Variants in GSTO2 observed in about 807,000 individuals in gnomAD.
GSTO2 encodes the protein glutathione S-transferase omega-2.
A neutral mutation model predicts 28.4 loss-of-function variants in GSTO2; 23 were observed. That is an observed-to-expected ratio of 0.81 (90% CI 0.58 to 1.15). GSTO2 has a LOEUF of 1.15. Among genes scored for constraint, GSTO2 ranks in the 50% most tolerant of loss-of-function variants. The pLI is 0.00. For synonymous variants in GSTO2, 109 were observed against 111.0 expected, an observed-to-expected ratio of 0.98 and a Z score of 0.11; for missense variants, 298 against 297.8, an observed-to-expected ratio of 1.00 and a Z score of 0.00.
At chr10:104,296,813 C>G (rs1055973363) in intron 5 of GSTO2, 1 of 148,876 alleles carries the variant, frequency 6.7e-6, no homozygotes, top group African/African-American at 2.5e-5. Flanking sequence ...ACTTTTTGCT[C>G]TTCTTGGCCA....
In GSTO2 at chr10:104,299,223, A is replaced by C; in HGVS notation, c.671A>C (p.Gln224Pro). Reference protein sequence around the residue: ...CALLMDKSIFQGFLNLYFQNN... With the variant: ...CALLMDKSIFPGFLNLYFQNN... ...CTTCTCATGGATAAGAGCATTTTCCAGGGCTTCTTGAATCTCTATTTTCAG... is the reference window on the plus strand; with the variant it reads ...CTTCTCATGGATAAGAGCATTTTCCCGGGCTTCTTGAATCTCTATTTTCAG... The change falls in exon 7 of 7, where the codon CAG becomes CCG. Residue 224 changes from glutamine to proline, a missense_variant. Physicochemically the swap from Gln to Pro is moderately conservative, Grantham distance 76. Coordinates refer to ENST00000338595, the MANE Select transcript of GSTO2 (RefSeq NM_183239.2). 1 of 1,614,134 alleles carries C rather than the reference A, an allele frequency of 6.2e-7. No homozygotes were observed. Among genetic ancestry groups the C allele is most frequent in the Non-Finnish European group, 8.5e-7 (1 of 1,180,026 alleles).
At chr10:104,272,046 T>C (rs2011430548) in intron 1 of GSTO2, among the ~76,000 whole-genome samples, 2 of 152,252 alleles carry the variant, frequency 1.3e-5, no homozygotes, top group South Asian at 4.1e-4. Flanking sequence ...GAGTGAGCCC[T>C]AATATATTAA....
At chr10:104,278,188 T>C in intron 4 of GSTO2, 72 bp downstream of exon 4, 2 of 1,134,296 alleles carry the variant, frequency 1.8e-6, no homozygotes, top group South Asian at 2.7e-5. Flanking sequence ...CAACCCATTT[T>C]AAAGCCAAAT....
intron 5 of GSTO2, among the ~76,000 whole-genome samples, chr10:104,289,976 T>A (rs1452185934): frequency 6.6e-6 from 1 of 152,208 alleles, no homozygotes; most frequent in Non-Finnish European, 1.5e-5. Flanking sequence ...CCTCGTTCAC[T>A]GGGGCGGGAA....
intron 5 of GSTO2, among the ~76,000 whole-genome samples, chr10:104,284,945 C>T (rs542767364): frequency 7.2e-5 from 11 of 152,178 alleles, no homozygotes; most frequent in Admixed American, 2.0e-4. Context: ...TAAAAGAGAG[C>T]GGGGAGGGGA....
intron 1 of GSTO2, among the ~76,000 whole-genome samples, chr10:104,270,941 C>T (rs1283731372): frequency 6.6e-6 from 1 of 152,212 alleles, no homozygotes. Context: ...AAGATCCAAA[C>T]ATTTTCAAAG....
chr10:104,292,463 T>C (rs2012820493), intron 5 of GSTO2, among the ~76,000 whole-genome samples: 1 of 150,586 alleles, frequency 6.6e-6, no homozygotes, highest in Admixed American at 6.6e-5. Context: ...TGACCACCAA[T>C]ATCTTTTTTT....
Position 104,279,376 on chromosome 10 carries a change from C to G in GSTO2, c.373C>G (p.His125Asp), listed in dbSNP as rs2011870008. 6.2e-7 allele frequency: 1 copy of G among 1,613,254 alleles called. No individual in the cohort carries two copies. The highest frequency in any genetic ancestry group is 2.2e-5 in the East Asian group (1 of 44,874). Reference protein sequence around the residue: ...MLLELFCKVPHLTKECLVALR... With the variant: ...MLLELFCKVPDLTKECLVALR... ...ACCTGTGTCCTCTGATTAGGTCCCA[C>G]ATTTGACCAAGGAGTGCCTGGTAGC... The change falls in exon 5 of 7, where the codon CAT (histidine) becomes GAT (aspartate). Residue 125 changes from histidine to aspartate, a missense_variant. By Grantham distance (81) the His-to-Asp change is moderately conservative. Coordinates refer to ENST00000338595, the MANE Select transcript of GSTO2 (RefSeq NM_183239.2).
chr10:104,273,442 G>GAAAAA (rs2011503914), intron 1 of GSTO2, among the ~76,000 whole-genome samples: 1 of 152,168 alleles, frequency 6.6e-6, no homozygotes, highest in Admixed American at 6.5e-5. Flanking sequence ...AGCAAAAAAT[G>GAAAAA]TAGTTGAGTC....
chr10:104,274,639 G>A, intron 1 of GSTO2, 46 bp from the exon 2 acceptor site: 1 of 555,106 alleles, frequency 1.8e-6, no homozygotes. Flanking sequence ...CCAGAGCAAG[G>A]GGGAGCTTTT....
Position 104,272,587 on chromosome 10 carries a change from C to T in GSTO2, c.-231-2098C>T, listed in dbSNP as rs1169968617. Among the ~76,000 whole-genome samples, 107 of 49,304 alleles carry T rather than the reference C, an allele frequency of 2.2e-3. 2 individuals are homozygous for T. The highest frequency in any genetic ancestry group is 6.2e-3 in the East Asian group (7 of 1,122). 32.3% of individuals were successfully genotyped at this position (49,304 alleles called of 152,430 possible). On this transcript the variant is annotated intron_variant, in intron 1 of 6. Coordinates refer to ENST00000338595, the MANE Select transcript of GSTO2 (RefSeq NM_183239.2). ...GAATCAAAATAGAACAGTTATGGGA[C>T]TTTTTTTTTTTTTTTTTTTTTTTTT...
chr10:104,282,662 C>T (rs958827775), intron 5 of GSTO2, among the ~76,000 whole-genome samples: 8 of 151,760 alleles, frequency 5.3e-5, no homozygotes, highest in South Asian at 4.1e-4. Flanking sequence ...ACCCCACTAA[C>T]GAGGGTTGGA....
rs906372798 is a variant in GSTO2, at chr10:104,303,245, C to G, written c.*3961C>G. The G allele has an allele frequency of 2.0e-5, 3 of 152,136 alleles. No homozygotes were observed. Among genetic ancestry groups the G allele is most frequent in the African/African-American group, 7.2e-5 (3 of 41,410 alleles). The allele number at this position is 152,136 out of a possible 1,614,324, so 9.4% of individuals were successfully genotyped here. On this transcript the variant is annotated 3_prime_UTR_variant, in exon 7 of 7. Coordinates refer to ENST00000338595, the MANE Select transcript of GSTO2 (RefSeq NM_183239.2). ...TTCTTTAGGGAAAGTTTAGAATTTTCTAGAGACTGGTTGTATGGTTGTGAC... is the reference window on the plus strand; with the variant it reads ...TTCTTTAGGGAAAGTTTAGAATTTTGTAGAGACTGGTTGTATGGTTGTGAC...
At chr10:104,277,516 C>T (rs1178189197) in intron 3 of GSTO2, among the ~76,000 whole-genome samples, 1 of 152,086 alleles carries the variant, frequency 6.6e-6, no homozygotes, top group Non-Finnish European at 1.5e-5. Context: ...GAATTCCTGA[C>T]CTCAGATGAT....
Position 104,278,069 on chromosome 10 carries a change from C to T in GSTO2, c.319C>T (p.Pro107Ser). ...AGGAAGGAAGCTGTTTCCATATGAC[C>T]CTTATGAACGAGCTCGCCAAAAGAT... is the stretch of plus-strand genomic sequence containing the variant. ...YPGRKLFPYDPYERARQKMLL... is the reference protein window; with the variant it reads ...YPGRKLFPYDSYERARQKMLL... The change falls in exon 4 of 7, where the codon CCT becomes TCT. Residue 107 changes from proline to serine, a missense_variant. By Grantham distance (74) the Pro-to-Ser change is moderately conservative (BLOSUM62 -1). Coordinates refer to ENST00000338595, the MANE Select transcript of GSTO2 (RefSeq NM_183239.2). The T allele has an allele frequency of 6.2e-7, 1 of 1,614,080 alleles. No individual in the cohort carries two copies. The highest frequency in any genetic ancestry group is 8.5e-7 in the Non-Finnish European group (1 of 1,179,998).
At chr10:104,296,137 T>G (rs2013006918) in intron 5 of GSTO2, 1 of 152,226 alleles carries the variant, frequency 6.6e-6, no homozygotes. Flanking sequence ...GGTACTTTTT[T>G]GGGGCTGTCT....
chr10:104,270,451 T>A (rs1286036431), intron 1 of GSTO2, among the ~76,000 whole-genome samples: 1 of 152,242 alleles, frequency 6.6e-6, no homozygotes, highest in East Asian at 1.9e-4. Flanking sequence ...CTTGACAATT[T>A]GCCTTTACTT....
Position 104,274,922 on chromosome 10 carries a change from G to A in GSTO2, c.7G>A (p.Gly3Arg). The A allele has an allele frequency of 6.2e-7, 1 of 1,610,002 alleles. No homozygotes were observed. The highest frequency in any genetic ancestry group is 8.5e-7 in the Non-Finnish European group (1 of 1,178,544). The change falls in exon 2 of 7, where the codon GGG becomes AGG. Residue 3 changes from glycine (G) to arginine (R), a missense_variant. Physicochemically the swap from Gly to Arg is moderately radical, Grantham distance 125. Transcript: ENST00000338595. MS[G>R]DATRTLGKGS... ...CGCAAACCACCTGGAGACCATGTCT[G>A]GGGATGCGACCAGGACCCTGGGGAA...
intron 4 of GSTO2, 84 bp downstream of exon 4, chr10:104,278,200 A>T (rs936800089): frequency 3.9e-6 from 4 of 1,020,690 alleles, no homozygotes; most frequent in Non-Finnish European, 4.4e-6. Context: ...AAGCCAAATC[A>T]TTGGTGAAAC....
Sources: gnomAD v4.1 joint callset for allele counts (sites outside exome capture counted in the v4.1 genomes callset) on GRCh38, gnomAD v4.1.1 for gene constraint, MANE v1.5 for transcripts, NCBI Gene and HGNC (gene_info 2026-07-23, HGNC 2026-07-21) for gene names.